Variants in LRATD2 observed in about 807,000 individuals in gnomAD.
The protein encoded by LRATD2 is LRAT domain containing 2.
In LRATD2, 10 loss-of-function variants were observed where a neutral mutation model predicts 12.0. That is an observed-to-expected ratio of 0.83 (90% CI 0.51 to 1.41). The LOEUF is 1.41. LRATD2 is among the 40% of genes most tolerant of loss of function. The probability of loss-of-function intolerance (pLI) is 0.00; values close to 1 mark genes in which losing one functional copy is unlikely to be tolerated. For missense variants in LRATD2, 455 were observed against 446.1 expected (o/e 1.02, Z -0.18); for synonymous variants, 220 against 205.8 (o/e 1.07, Z -0.59).
chr8:126,556,503 G>T lies in LRATD2; in HGVS notation c.887C>A (p.Pro296His). 6.3e-7 allele frequency: 1 copy of T among 1,592,242 alleles called. No homozygotes were observed. Among genetic ancestry groups the T allele is most frequent in the Non-Finnish European group, 8.5e-7 (1 of 1,171,012 alleles). The part of the protein sequence containing the change: ...ARTTPPPGRP[P>H]APSSEEEDGE... ...GTCCTCCTCCTCGGAGCTGGGCGCAGGGGGGCGCCCGGGAGGCGGCGTAGT... is the reference window on the plus strand; with the variant it reads ...GTCCTCCTCCTCGGAGCTGGGCGCATGGGGGCGCCCGGGAGGCGGCGTAGT... Residue 296 changes from proline (P) to histidine (H), a missense_variant, in exon 2 of 2, where the codon CCT becomes CAT. Coordinates refer to ENST00000304916, the MANE Select transcript of LRATD2 (RefSeq NM_174911.5). This position sits in a 1 kb window ranked among gnomAD's most constrained non-coding sequence, Gnocchi z 5.6.
chr8:126,558,409 G>A lies in LRATD2; in HGVS notation c.-472C>T, dbSNP rs1260577422. Reference sequence around the variant, plus strand: ...CGAGCAACAAGCACCGGAGCTGGAGGGACGGGATTGTAGATCCGGCTCCGG... The same window carrying A: ...CGAGCAACAAGCACCGGAGCTGGAGAGACGGGATTGTAGATCCGGCTCCGG... On this transcript the variant is annotated 5_prime_UTR_variant, in exon 1 of 2. Coordinates refer to ENST00000304916, the MANE Select transcript of LRATD2 (RefSeq NM_174911.5). 6.6e-6 allele frequency: 1 copy of A among 152,216 alleles called. No homozygotes were observed. The highest frequency in any genetic ancestry group is 1.5e-5 in the Non-Finnish European group (1 of 68,052). The allele number at this position is 152,216 out of a possible 1,614,324, so 9.4% of individuals were successfully genotyped here. A position where few individuals can be genotyped will look rare whatever the true frequency, so the allele number is the denominator to read the frequency against.
At position 126,557,336 on chromosome 8, in the gene LRATD2, C is replaced by G. The variant is rs1817438087; in HGVS notation, c.54G>C (p.Thr18=). The change falls in exon 2 of 2, where the codon ACG becomes ACC. Residue 18 remains threonine, a synonymous_variant. Transcript: ENST00000304916. This position sits in a 1 kb window ranked among gnomAD's most constrained non-coding sequence, Gnocchi z 5.3. ...LTHLSYKEVP[T]ADPTGVDRDD... The stretch of plus-strand genomic sequence containing the variant: ...CCCGGTCCACGCCAGTCGGGTCGGC[C>G]GTGGGAACTTCCTTGTAACTTAGGT... 6.2e-7 allele frequency: 1 copy of G among 1,613,738 alleles called. No individual in the cohort carries two copies. Among genetic ancestry groups the G allele is most frequent in the Non-Finnish European group, 8.5e-7 (1 of 1,179,958 alleles).
rs1031436711 is a variant in LRATD2, at chr8:126,553,165, A to C, written c.*3292T>G. The C allele has an allele frequency of 6.6e-6, 1 of 152,268 alleles. No homozygotes were observed. The highest frequency in any genetic ancestry group is 1.5e-5 in the Non-Finnish European group (1 of 68,042). The allele number at this position is 152,268 out of a possible 1,614,324, so 9.4% of individuals were successfully genotyped here. On this transcript the variant is annotated 3_prime_UTR_variant, in exon 2 of 2. Coordinates refer to ENST00000304916, the MANE Select transcript of LRATD2 (RefSeq NM_174911.5). Reference sequence around the variant, plus strand: ...GACTTGTCATTTTTCATAAAAACTAAACATTTCCTTATAGGTCTGGAGTAA... The same window carrying C: ...GACTTGTCATTTTTCATAAAAACTACACATTTCCTTATAGGTCTGGAGTAA...
In LRATD2 at chr8:126,556,864, G is replaced by C. The variant is rs1260796936; in HGVS notation, c.526C>G (p.Leu176Val). 2 of 1,605,618 alleles carry C rather than the reference G, an allele frequency of 1.2e-6. No homozygotes were observed. The highest frequency in any genetic ancestry group is 2.7e-5 in the African/African-American group (2 of 74,924). The change falls in exon 2 of 2, where the codon CTA (leucine) becomes GTA (valine). Residue 176 changes from leucine to valine, a missense_variant. Transcript: ENST00000304916. The surrounding 1 kb of genome is among the most constrained non-coding windows in gnomAD (Gnocchi z 5.6). ...TTGCGCACCACGGCGCTGGAGCTTA[G>C]CGGCTTGTAGCGGTACAGATCGTTG... ...VVNDLYRYKPLSSSAVVRNAL... is the reference protein window; with the variant it reads ...VVNDLYRYKPVSSSAVVRNAL...
rs1817443762 is a variant in LRATD2, at chr8:126,557,468, G to A, written c.-79C>T. On this transcript the variant is annotated 5_prime_UTR_variant, in exon 2 of 2. Transcript: ENST00000304916. The surrounding 1 kb of genome is among the most constrained non-coding windows in gnomAD (Gnocchi z 5.3). ...CCAGGGTCATTTGCACAGGTCCCCGGACAGGGGCTGAGGCTACCTGTTGGG... is the reference window on the plus strand; with the variant it reads ...CCAGGGTCATTTGCACAGGTCCCCGAACAGGGGCTGAGGCTACCTGTTGGG... The A allele has an allele frequency of 4.7e-6, 7 of 1,476,206 alleles. No homozygotes were observed. The Admixed American group carries it at 1.6e-4, about 34-fold the overall frequency. 91.4% of individuals were successfully genotyped at this position (1,476,206 alleles called of 1,614,324 possible). A position where few individuals can be genotyped will look rare whatever the true frequency, so the allele number is the denominator to read the frequency against.
rs1334544694 is a variant in LRATD2 at position 126,557,668 on chromosome 8, C to T, written c.-96-183G>A. On this transcript the variant is annotated intron_variant, in intron 1 of 1. Transcript: ENST00000304916. This position sits in a 1 kb window ranked among gnomAD's most constrained non-coding sequence, Gnocchi z 5.3. The stretch of plus-strand genomic sequence containing the variant: ...CACGGTCACAGGAGACTGGGCAACT[C>T]CTGTTCTCCCTGTCCCCAGCCCTTC... 2 of 486,582 alleles carry T rather than the reference C, an allele frequency of 4.1e-6. No individual in the cohort carries two copies. The highest frequency in any genetic ancestry group is 7.2e-6 in the Non-Finnish European group (2 of 276,142). The allele number at this position is 486,582 out of a possible 1,614,324, so 30.1% of individuals were successfully genotyped here.
In LRATD2 at chr8:126,556,536, A is replaced by C. The variant is rs1249656129; in HGVS notation, c.854T>G (p.Val285Gly). The C allele has an allele frequency of 1.2e-6, 2 of 1,602,604 alleles. No homozygotes were observed. The highest frequency in any genetic ancestry group is 1.7e-6 in the Non-Finnish European group (2 of 1,175,668). ...PAEPEEGDSN[V>G]ARTTPPPGRP... is the part of the protein sequence containing the mutation. The stretch of plus-strand genomic sequence containing the variant: ...CCCGGGAGGCGGCGTAGTCCGCGCC[A>C]CGTTGCTGTCGCCCTCCTCCGGCTC... The change falls in exon 2 of 2, where the codon GTG (valine) becomes GGG (glycine). Residue 285 changes from valine to glycine, a missense_variant. By Grantham distance (109) the Val-to-Gly change is moderately radical (BLOSUM62 -3). Coordinates refer to ENST00000304916, the MANE Select transcript of LRATD2 (RefSeq NM_174911.5). The surrounding 1 kb of genome is among the most constrained non-coding windows in gnomAD (Gnocchi z 5.6).
chr8:126,552,621 T>C lies in LRATD2; in HGVS notation c.*3836A>G, dbSNP rs1488627033. The C allele has an allele frequency of 6.5e-6, 1 of 152,678 alleles. No homozygotes were observed. Among genetic ancestry groups the C allele is most frequent in the Non-Finnish European group, 1.5e-5 (1 of 68,048 alleles). 9.5% of individuals were successfully genotyped at this position (152,678 alleles called of 1,614,324 possible). On this transcript the variant is annotated 3_prime_UTR_variant, in exon 2 of 2. Coordinates refer to ENST00000304916, the MANE Select transcript of LRATD2 (RefSeq NM_174911.5). ...AAATGATACAATTTCAAATCGGAACTTCCTTCTCAAGAAGTGATATAAGAA... is the reference window on the plus strand; with the variant it reads ...AAATGATACAATTTCAAATCGGAACCTCCTTCTCAAGAAGTGATATAAGAA...
chr8:126,557,241 G>C lies in LRATD2; in HGVS notation c.149C>G (p.Pro50Arg). Reference sequence around the variant, plus strand: ...GCCGCCGCCATCTGGCCCCTGAGGCGGCGGCTGCGGCTCCACGTCCTCATC... The same window carrying C: ...GCCGCCGCCATCTGGCCCCTGAGGCCGCGGCTGCGGCTCCACGTCCTCATC... The part of the protein sequence containing the change: ...NDDEDVEPQP[P>R]PQGPDGGGLP... Residue 50 changes from proline to arginine, a missense_variant, in exon 2 of 2, where the codon CCG becomes CGG. Physicochemically the swap from Pro to Arg is moderately radical, Grantham distance 103 (BLOSUM62 -2). Transcript: ENST00000304916. This position sits in a 1 kb window ranked among gnomAD's most constrained non-coding sequence, Gnocchi z 5.3. 6.2e-7 allele frequency: 1 copy of C among 1,604,258 alleles called. No individual in the cohort carries two copies. The highest frequency in any genetic ancestry group is 8.5e-7 in the Non-Finnish European group (1 of 1,175,778).
rs1817439217 is a variant in LRATD2 at position 126,557,359 on chromosome 8, G to C, written c.31C>G (p.Leu11Val). 6 of 1,613,624 alleles carry C rather than the reference G, an allele frequency of 3.7e-6. No individual in the cohort carries two copies. Among genetic ancestry groups the C allele is most frequent in the Non-Finnish European group, 5.1e-6 (6 of 1,179,940 alleles). ...GCCGTGGGAACTTCCTTGTAACTTA[G>C]GTGGGTCAATTTCTCCACCTGGTTG... is the stretch of plus-strand genomic sequence containing the variant. Reference protein sequence around the residue: MGNQVEKLTHLSYKEVPTADP... With the variant: MGNQVEKLTHVSYKEVPTADP... The change falls in exon 2 of 2, where the codon CTA becomes GTA. Residue 11 changes from leucine (L) to valine (V), a missense_variant. Leu to Val is a conservative substitution (Grantham distance 32). Transcript: ENST00000304916. This position sits in a 1 kb window ranked among gnomAD's most constrained non-coding sequence, Gnocchi z 5.3.
rs1817475482 is a variant in LRATD2 at position 126,558,284 on chromosome 8, C to T, written c.-347G>A. ...CCGCGCTTCCTCCCGCCAGCTGGGG[C>T]TGCTGCCCCTCCTCAGCCAGCTCTC... On this transcript the variant is annotated 5_prime_UTR_variant, in exon 1 of 2. Coordinates refer to ENST00000304916, the MANE Select transcript of LRATD2 (RefSeq NM_174911.5). The T allele has an allele frequency of 6.6e-6, 1 of 152,238 alleles. No individual in the cohort carries two copies. The highest frequency in any genetic ancestry group is 1.5e-5 in the Non-Finnish European group (1 of 68,092). 9.4% of individuals were successfully genotyped at this position (152,238 alleles called of 1,614,324 possible).
chr8:126,555,868 G>C lies in LRATD2; in HGVS notation c.*589C>G. 1 of 152,820 alleles carries C rather than the reference G, an allele frequency of 6.5e-6. No individual in the cohort carries two copies. Among genetic ancestry groups the C allele is most frequent in the South Asian group, 2.1e-4 (1 of 4,838 alleles). 9.5% of individuals were successfully genotyped at this position (152,820 alleles called of 1,614,324 possible). Reference sequence around the variant, plus strand: ...TTACACTTAATAGGAGGCTGCTGTGGTTTTGGTCTGCTGCTCCCGGACCTT... The same window carrying C: ...TTACACTTAATAGGAGGCTGCTGTGCTTTTGGTCTGCTGCTCCCGGACCTT... On this transcript the variant is annotated 3_prime_UTR_variant, in exon 2 of 2. Coordinates refer to ENST00000304916, the MANE Select transcript of LRATD2 (RefSeq NM_174911.5).
chr8:126,556,234 GC>G lies in LRATD2; in HGVS notation c.*222del, dbSNP rs947172308. On this transcript the variant is annotated 3_prime_UTR_variant, in exon 2 of 2. Transcript: ENST00000304916. This position sits in a 1 kb window ranked among gnomAD's most constrained non-coding sequence, Gnocchi z 5.6. ...GACAGACAGGGGGCCAGAGGGAGAC[GC>G]CCCCCACCCCCAACTAAAGTGTTTC... 3.6e-5 allele frequency: 19 copies of G among 531,918 alleles called. 1 individual carries two copies. The highest frequency in any genetic ancestry group is 2.0e-4 in the African/African-American group (10 of 49,620). 32.9% of individuals were successfully genotyped at this position (531,918 alleles called of 1,614,324 possible). A position where few individuals can be genotyped will look rare whatever the true frequency, so the allele number is the denominator to read the frequency against.
Position 126,556,871 on chromosome 8 carries a change from G to C in LRATD2, c.519C>G (p.Tyr173Ter), listed in dbSNP as rs755700635. ...CCACGGCGCTGGAGCTTAGCGGCTT[G>C]TAGCGGTACAGATCGTTGACCACGC... is the stretch of plus-strand genomic sequence containing the variant. ...RGRVVNDLYR[Y>*]KPLSSSAVVR... The change falls in exon 2 of 2, where the codon TAC becomes TAG. Residue 173 changes from tyrosine to a stop codon, truncating the protein, a stop_gained. Transcript: ENST00000304916. LOFTEE classifies it high-confidence loss of function. This position sits in a 1 kb window ranked among gnomAD's most constrained non-coding sequence, Gnocchi z 5.6. 6.2e-7 allele frequency: 1 copy of C among 1,605,450 alleles called. No homozygotes were observed. The highest frequency in any genetic ancestry group is 8.5e-7 in the Non-Finnish European group (1 of 1,179,310).
In LRATD2 at chr8:126,557,743, C is replaced by T. The variant is rs1237925366; in HGVS notation, c.-96-258G>A. On this transcript the variant is annotated intron_variant, in intron 1 of 1. Coordinates refer to ENST00000304916, the MANE Select transcript of LRATD2 (RefSeq NM_174911.5). The surrounding 1 kb of genome is among the most constrained non-coding windows in gnomAD (Gnocchi z 5.3). The stretch of plus-strand genomic sequence containing the variant: ...GCATCAGCAGCTTCTACTGCTTCCG[C>T]CTGCGCCCTACCTGCCAAGCTTGGG... 7.9e-6 allele frequency: 2 copies of T among 252,888 alleles called. No individual in the cohort carries two copies. Among genetic ancestry groups the T allele is most frequent in the East Asian group, 2.0e-4 (2 of 10,124 alleles). The allele number at this position is 252,888 out of a possible 1,614,324, so 15.7% of individuals were successfully genotyped here. A position where few individuals can be genotyped will look rare whatever the true frequency, so the allele number is the denominator to read the frequency against.
In LRATD2 at chr8:126,557,251, G is replaced by C. The variant is rs1372915652; in HGVS notation, c.139C>G (p.Pro47Ala). The change falls in exon 2 of 2, where the codon CCG becomes GCG. Residue 47 changes from proline (P) to alanine (A), a missense_variant. Transcript: ENST00000304916. The surrounding 1 kb of genome is among the most constrained non-coding windows in gnomAD (Gnocchi z 5.3). The stretch of plus-strand genomic sequence containing the variant: ...TCTGGCCCCTGAGGCGGCGGCTGCG[G>C]CTCCACGTCCTCATCGTCATTGGAG... ...IFSNDDEDVE[P>A]QPPPQGPDGG... 6.2e-7 allele frequency: 1 copy of C among 1,607,264 alleles called. No homozygotes were observed. The highest frequency in any genetic ancestry group is 8.5e-7 in the Non-Finnish European group (1 of 1,177,330).
rs759753910 is a variant in LRATD2, at chr8:126,556,857, G to C, written c.533C>G (p.Ser178Cys). The stretch of plus-strand genomic sequence containing the variant: ...CAGCGCGTTGCGCACCACGGCGCTG[G>C]AGCTTAGCGGCTTGTAGCGGTACAG... ...NDLYRYKPLSSSAVVRNALAH... is the reference protein window; with the variant it reads ...NDLYRYKPLSCSAVVRNALAH... Residue 178 changes from serine (S) to cysteine (C), a missense_variant, in exon 2 of 2, where the codon TCC (serine) becomes TGC (cysteine). Coordinates refer to ENST00000304916, the MANE Select transcript of LRATD2 (RefSeq NM_174911.5). The surrounding 1 kb of genome is among the most constrained non-coding windows in gnomAD (Gnocchi z 5.6). The C allele has an allele frequency of 1.9e-6, 3 of 1,607,176 alleles. No homozygotes were observed. The highest frequency in any genetic ancestry group is 4.5e-5 in the East Asian group (2 of 44,840).
rs1033351589 is a variant in LRATD2, at chr8:126,557,606, T to C, written c.-96-121A>G. ...AGCCATTTTAGGGGGAAGTCTCGGG[T>C]GTAGCGAGCTTTCCCTCGTTTCTCC... On this transcript the variant is annotated intron_variant, in intron 1 of 1. Coordinates refer to ENST00000304916, the MANE Select transcript of LRATD2 (RefSeq NM_174911.5). This position sits in a 1 kb window ranked among gnomAD's most constrained non-coding sequence, Gnocchi z 5.3. The C allele has an allele frequency of 1.2e-5, 7 of 581,772 alleles. No individual in the cohort carries two copies. Among genetic ancestry groups the C allele is most frequent in the Non-Finnish European group, 2.1e-5 (7 of 333,182 alleles). The allele number at this position is 581,772 out of a possible 1,614,324, so 36.0% of individuals were successfully genotyped here.
rs1817445712 is a variant in LRATD2, at chr8:126,557,531, G to A, written c.-96-46C>T. On this transcript the variant is annotated intron_variant, in intron 1 of 1. Coordinates refer to ENST00000304916, the MANE Select transcript of LRATD2 (RefSeq NM_174911.5). The surrounding 1 kb of genome is among the most constrained non-coding windows in gnomAD (Gnocchi z 5.3). ...GAAAGCCATGCAGGAGCCCCTCCGTGAAAAGGGCGTTTTGTTCCGAAAAAG... is the reference window on the plus strand; with the variant it reads ...GAAAGCCATGCAGGAGCCCCTCCGTAAAAAGGGCGTTTTGTTCCGAAAAAG... 1 of 897,436 alleles carries A rather than the reference G, an allele frequency of 1.1e-6. No homozygotes were observed. The highest frequency in any genetic ancestry group is 3.0e-5 in the Admixed American group (1 of 33,234). 55.6% of individuals were successfully genotyped at this position (897,436 alleles called of 1,614,324 possible).
Sources: allele counts gnomAD v4.1 joint callset, GRCh38; gene constraint gnomAD v4.1.1; non-coding constraint Gnocchi (gnomAD v3.1); transcripts MANE v1.5; gene names NCBI Gene and HGNC (gene_info 2026-07-23, HGNC 2026-07-21).